ITSN1: variants seen among roughly 807,000 people sequenced by gnomAD.
ITSN1 encodes the protein intersectin 1.
A neutral mutation model predicts 239.8 loss-of-function variants in ITSN1; 58 were observed. The ratio of observed to expected loss-of-function variants is 0.24; its 90% CI spans 0.20 to 0.30. The LOEUF is 0.30. ITSN1 is among the 10% of genes least tolerant of loss of function. ITSN1 has a pLI of 1.00. For synonymous variants in ITSN1, 780 were observed against 770.8 expected, an observed-to-expected ratio of 1.01 and a Z score of -0.20; for missense variants, 1,558 against 2,103.3, an observed-to-expected ratio of 0.74 and a Z score of 5.07.
At position 33,895,555 on chromosome 21, in the gene ITSN1, GTGTGTGCGTGTA is replaced by G. The variant is rs943809030; in HGVS notation, c.*7267_*7278del. The G allele has an allele frequency of 6.7e-5, 10 of 149,380 alleles. No homozygotes were observed. Among genetic ancestry groups the G allele is most frequent in the African/African-American group, 2.2e-4 (9 of 40,642 alleles). 9.3% of individuals were successfully genotyped at this position (149,380 alleles called of 1,614,324 possible). On this transcript the variant is annotated 3_prime_UTR_variant, in exon 40 of 40. Transcript: ENST00000381318. ...TGTGTCTACGTGTGTGTGCACGCAT[GTGTGTGCGTGTA>G]TGTGTGCGTGTGTGCATGTTTGTGA...
chr21:33,736,915 G>A (rs546991333), intron 5 of ITSN1, among the ~76,000 whole-genome samples: 1 of 152,302 alleles, frequency 6.6e-6, no homozygotes, highest in South Asian at 2.1e-4. Flanking sequence ...AGCACAAGAG[G>A]TCAAGCCTGC....
chr21:33,649,036 A>G (rs2088253622), intron 1 of ITSN1, among the ~76,000 whole-genome samples: 1 of 152,196 alleles, frequency 6.6e-6, no homozygotes, highest in Non-Finnish European at 1.5e-5. Context: ...AGTGCTAGAG[A>G]AGACTAGTGA....
intron 24 of ITSN1, among the ~76,000 whole-genome samples, chr21:33,821,006 G>GA (rs1260558636): frequency 6.6e-5 from 10 of 152,280 alleles, no homozygotes; most frequent in African/African-American, 2.4e-4. Flanking sequence ...TACCCCTTGA[G>GA]GTAGGAAATT....
At chr21:33,705,110 CA>C (rs1174530558) in intron 1 of ITSN1, among the ~76,000 whole-genome samples, 24,061 of 69,734 alleles carry the variant, frequency 0.35, 1,956 homozygotes, top group African/African-American at 0.42. Flanking sequence ...GACTCCGTCT[CA>C]AAAAAAAAAA....
intron 33 of ITSN1, among the ~76,000 whole-genome samples, chr21:33,871,689 C>T (rs541323491): frequency 1.7e-4 from 26 of 150,462 alleles, no homozygotes; most frequent in African/African-American, 6.1e-4. Context: ...TGCAGTGAGC[C>T]GAGATCGCGC....
chr21:33,696,187 T>G (rs79205814), intron 1 of ITSN1, among the ~76,000 whole-genome samples: 5,804 of 152,234 alleles, frequency 0.038, 369 homozygotes, highest in African/African-American at 0.13. Flanking sequence ...AGGCTTTTTT[T>G]TTGTTGTTGG....
At position 33,865,031 on chromosome 21, in the gene ITSN1, C is replaced by G; in HGVS notation, c.3891-120C>G. 1.1e-6 allele frequency: 1 copy of G among 872,538 alleles called. No homozygotes were observed. Among genetic ancestry groups the G allele is most frequent in the Non-Finnish European group, 1.7e-6 (1 of 588,060 alleles). The allele number at this position is 872,538 out of a possible 1,614,324, so 54.0% of individuals were successfully genotyped here. ...CCATTCCTTGTCTCCCAAATAGATC[C>G]TTTAGTGGCCCTTAAGGCTGTGCCC... is the stretch of plus-strand genomic sequence containing the variant. On this transcript the variant is annotated intron_variant, in intron 31 of 39. Coordinates refer to ENST00000381318, the MANE Select transcript of ITSN1 (RefSeq NM_003024.3). The surrounding 1 kb of genome is among the most constrained non-coding windows in gnomAD (Gnocchi z 4.4).
intron 1 of ITSN1, among the ~76,000 whole-genome samples, chr21:33,652,990 G>T (rs1475504615): frequency 2.0e-5 from 3 of 151,756 alleles, no homozygotes; most frequent in African/African-American, 7.3e-5. Context: ...ACTGTGACTG[G>T]GAAGTTCTTT....
At chr21:33,724,216 C>A (rs143303918) in intron 4 of ITSN1, among the ~76,000 whole-genome samples, 1 of 152,012 alleles carries the variant, frequency 6.6e-6, no homozygotes, top group African/African-American at 2.4e-5. Flanking sequence ...GCATATTGGC[C>A]GCCAGACTGT....
rs149351561 is a variant in ITSN1, at chr21:33,813,754, T to TTTTA, written c.2568-143_2568-140dup. ...CTTTTTCTTTTTTCTTTTTTTCCTCTTTTATTTATTTATTTATTTTTTTGG... is the reference window on the plus strand; with the variant it reads ...CTTTTTCTTTTTTCTTTTTTTCCTCTTTTATTTATTTATTTATTTATTTTTTTGG... On this transcript the variant is annotated intron_variant, in intron 21 of 39. Transcript: ENST00000381318. Among the ~76,000 whole-genome samples the TTTTA allele has an allele frequency of 0.13, 19,485 of 149,958 alleles. 1,655 individuals carry two copies. The highest frequency in any genetic ancestry group is 0.27 in the East Asian group (1,376 of 5,054).
At chr21:33,676,722 A>C (rs1046744593) in intron 1 of ITSN1, among the ~76,000 whole-genome samples, 1 of 152,240 alleles carries the variant, frequency 6.6e-6, no homozygotes, top group Non-Finnish European at 1.5e-5. Context: ...ACTAAGTGTC[A>C]CACTGTTCTG....
chr21:33,826,938 T>C, intron 26 of ITSN1, 75 bp downstream of exon 26: 2 of 1,210,088 alleles, frequency 1.7e-6, no homozygotes, highest in Non-Finnish European at 2.5e-6. Context: ...CTTTGTGTAT[T>C]AGGGCCAGAA....
intron 34 of ITSN1, among the ~76,000 whole-genome samples, chr21:33,878,463 T>TACATGCATGTATGCACACACATACAC (rs374797194): frequency 1.3e-5 from 2 of 152,340 alleles, no homozygotes; most frequent in South Asian, 2.1e-4. Context: ...CACACATACA[T>TACATGCATGTATGCACACACATACAC]ACATGCATGT....
At chr21:33,837,540 G>A (rs776399640) in intron 29 of ITSN1, 389 of 985,764 alleles carry the variant, frequency 3.9e-4, no homozygotes, top group Non-Finnish European at 4.6e-4. Context: ...CCTTACCATA[G>A]AAGTGCAGAG....
intron 4 of ITSN1, among the ~76,000 whole-genome samples, chr21:33,726,761 G>A (rs915594833): frequency 7.3e-5 from 11 of 151,536 alleles, no homozygotes; most frequent in African/African-American, 1.9e-4. Context: ...GATTCAAGCC[G>A]TCTGCCCGCC....
intron 9 of ITSN1, among the ~76,000 whole-genome samples, chr21:33,765,449 G>A (rs987034352): frequency 6.6e-6 from 1 of 152,178 alleles, no homozygotes; most frequent in Non-Finnish European, 1.5e-5. Context: ...CTATGATCTT[G>A]ACTGCAGTGA....
At chr21:33,816,916 G>A (rs1382652844) in intron 22 of ITSN1, among the ~76,000 whole-genome samples, 1 of 152,134 alleles carries the variant, frequency 6.6e-6, no homozygotes, top group Non-Finnish European at 1.5e-5. Flanking sequence ...GATGTTGTGG[G>A]TTTAAGAAGG....
At chr21:33,655,134 A>G (rs1247591356) in intron 1 of ITSN1, among the ~76,000 whole-genome samples, 2 of 152,202 alleles carry the variant, frequency 1.3e-5, no homozygotes, top group Non-Finnish European at 2.9e-5. Context: ...AATCTAATTC[A>G]GGCAATCACA....
intron 29 of ITSN1, chr21:33,838,095 T>C (rs2074689535): frequency 2.0e-6 from 2 of 985,768 alleles, no homozygotes; most frequent in Non-Finnish European, 1.2e-6. Context: ...ATGGAGCTCA[T>C]GGTCCGTTTG....
Sources: gnomAD v4.1 joint callset for allele counts (sites outside exome capture counted in the v4.1 genomes callset) on GRCh38, gnomAD v4.1.1 for gene constraint, Gnocchi (gnomAD v3.1) non-coding constraint, MANE v1.5 for transcripts, NCBI Gene and HGNC (gene_info 2026-07-23, HGNC 2026-07-21) for gene names.